GPR19: variants seen among roughly 807,000 people sequenced by gnomAD.
GPR19 encodes probable G protein-coupled receptor 19.
GPR19 carries 14 observed loss-of-function variants against 28.5 expected under a neutral mutation model. That is an observed-to-expected ratio of 0.49 (90% confidence interval 0.32 to 0.77). The LOEUF (loss-of-function observed/expected upper bound fraction) is 0.77, where lower values mean the gene tolerates loss of function less well. Ranked by LOEUF, GPR19 falls within the 30% of genes least tolerant of loss-of-function variation. The pLI is 0.03. For synonymous variants in GPR19, 173 were observed against 184.1 expected (o/e 0.94, Z 0.49); for missense variants, 409 against 504.1 (o/e 0.81, Z 1.81).
chr12:12,677,050 G>A (rs895432360), intron 3 of GPR19, among the ~76,000 whole-genome samples: 7 of 152,304 alleles, frequency 4.6e-5, no homozygotes, highest in Middle Eastern at 3.4e-3. Context: ...TATAAGCACT[G>A]AGCAGGAAGT....
chr12:12,697,450 G>C (rs1285186507), upstream of GPR19, among the ~76,000 whole-genome samples: 1 of 152,122 alleles, frequency 6.6e-6, no homozygotes, highest in Non-Finnish European at 1.5e-5. Flanking sequence ...ATTTTAATGT[G>C]CTCAAAAAAC....
the GPR19 span, among the ~76,000 whole-genome samples, chr12:12,711,082 T>G: frequency 1.3e-5 from 2 of 152,056 alleles, no homozygotes; most frequent in Non-Finnish European, 2.9e-5. Context: ...GGCAGGCAGA[T>G]CAGGATATTG....
chr12:12,717,021 C>G, the GPR19 span: 1 of 1,001,222 alleles, frequency 1.0e-6, no homozygotes, highest in Non-Finnish European at 1.2e-6. Context: ...GGAGGGAGGT[C>G]GGGGCTTAGG....
intron 2 of GPR19, among the ~76,000 whole-genome samples, chr12:12,686,443 G>C (rs1422298095): frequency 6.6e-6 from 1 of 152,168 alleles, no homozygotes; most frequent in East Asian, 1.9e-4. Flanking sequence ...TGAGTCAGCA[G>C]GTTGGTGACT....
chr12:12,712,721 A>G, the GPR19 span, among the ~76,000 whole-genome samples: 1 of 152,144 alleles, frequency 6.6e-6, no homozygotes, highest in South Asian at 2.1e-4. Flanking sequence ...CCCAGGCTGG[A>G]GTGCAATGGC....
chr12:12,675,300 G>A (rs933994534), intron 3 of GPR19, among the ~76,000 whole-genome samples: 3 of 152,152 alleles, frequency 2.0e-5, no homozygotes, highest in Non-Finnish European at 4.4e-5. Context: ...TTCTGTGTAA[G>A]AACCCCAGGA....
intron 3 of GPR19, among the ~76,000 whole-genome samples, chr12:12,670,025 C>T (rs1945835152): frequency 6.6e-6 from 1 of 152,136 alleles, no homozygotes; most frequent in Non-Finnish European, 1.5e-5. Context: ...ACCACCATGC[C>T]CAGCTGAGAA....
chr12:12,689,123 CAA>C (rs1491381144), intron 2 of GPR19, among the ~76,000 whole-genome samples: 1 of 152,058 alleles, frequency 6.6e-6, no homozygotes, highest in African/African-American at 2.4e-5. Context: ...AAAGCAGGAC[CAA>C]GAGAGAGAGT....
the GPR19 span, among the ~76,000 whole-genome samples, chr12:12,716,436 C>T: frequency 4.6e-5 from 7 of 151,992 alleles, no homozygotes; most frequent in African/African-American, 1.2e-4. Flanking sequence ...GCTACAATCC[C>T]GGGAAAGAAC....
chr12:12,711,763 G>C, the GPR19 span, among the ~76,000 whole-genome samples: 1 of 152,156 alleles, frequency 6.6e-6, no homozygotes, highest in Non-Finnish European at 1.5e-5. Flanking sequence ...ACCTCTCTTA[G>C]TTAATGGCAT....
intron 3 of GPR19, among the ~76,000 whole-genome samples, chr12:12,667,419 G>A (rs1295898714): frequency 1.3e-5 from 2 of 152,174 alleles, no homozygotes; most frequent in South Asian, 2.1e-4. Flanking sequence ...GGCCAGGCAT[G>A]GTGGCTCATA....
intron 3 of GPR19, among the ~76,000 whole-genome samples, chr12:12,665,849 GAAAA>G (rs1945769306): frequency 2.7e-5 from 2 of 74,312 alleles, no homozygotes; most frequent in African/African-American, 1.0e-4. Context: ...AAAAAAAAAA[GAAAA>G]CAAAGATACG....
chr12:12,670,775 CT>C (rs1945845938), intron 3 of GPR19, among the ~76,000 whole-genome samples: 1 of 152,132 alleles, frequency 6.6e-6, no homozygotes, highest in African/African-American at 2.4e-5. Flanking sequence ...CATAATTTAG[CT>C]TTGTCAAGGG....
intron 3 of GPR19, among the ~76,000 whole-genome samples, chr12:12,674,179 T>A (rs1253403742): frequency 1.8e-5 from 2 of 113,046 alleles, no homozygotes; most frequent in Non-Finnish European, 3.3e-5. Flanking sequence ...ACCACTGCAC[T>A]CCAACCTGGG....
chr12:12,690,100 T>C (rs1946162576), intron 2 of GPR19, among the ~76,000 whole-genome samples: 1 of 152,228 alleles, frequency 6.6e-6, no homozygotes, highest in Non-Finnish European at 1.5e-5. Context: ...TGTTTTTGTT[T>C]GTTTGTTTTC....
At chr12:12,697,647 A>C (rs77060320), upstream of GPR19, among the ~76,000 whole-genome samples, 792 of 152,360 alleles carry the variant, frequency 5.2e-3, 7 homozygotes, top group African/African-American at 0.018. Context: ...AAGACATATG[A>C]AATTAAGCAG....
At chr12:12,698,852 C>T (rs1946297346), upstream of GPR19, among the ~76,000 whole-genome samples, 3 of 151,986 alleles carry the variant, frequency 2.0e-5, no homozygotes, top group East Asian at 3.9e-4. Context: ...CCTCGTGATC[C>T]GCCAGCTTTG....
the GPR19 span, among the ~76,000 whole-genome samples, chr12:12,715,420 C>T: frequency 6.6e-6 from 1 of 152,210 alleles, no homozygotes; most frequent in Non-Finnish European, 1.5e-5. Flanking sequence ...GACTTGAAAA[C>T]TAGTTCTGGG....
At chr12:12,676,949 CTA>C (rs1945940160) in intron 3 of GPR19, among the ~76,000 whole-genome samples, 1 of 152,146 alleles carries the variant, frequency 6.6e-6, no homozygotes, top group South Asian at 2.1e-4. Context: ...GAGGCAAAGA[CTA>C]GACTTACTAA....
Sources: allele counts gnomAD v4.1 joint callset (sites outside exome capture counted in the v4.1 genomes callset), GRCh38; gene constraint gnomAD v4.1.1; transcripts MANE v1.5; gene names NCBI Gene and HGNC (gene_info 2026-07-23, HGNC 2026-07-21).